The following VWA3B variants were observed in gnomAD, a reference collection of about 807,000 sequenced individuals.
VWA3B encodes the protein von Willebrand factor A domain containing 3B.
In VWA3B, 138 loss-of-function variants were observed where a neutral mutation model predicts 158.3. The ratio of observed to expected loss-of-function variants is 0.87; its 90% confidence interval spans 0.76 to 1.00. The LOEUF (loss-of-function observed/expected upper bound fraction) is 1.00. Among genes scored for constraint, VWA3B ranks in the 50% least tolerant of loss-of-function variants. VWA3B has a pLI of 0.00. For synonymous variants in VWA3B, 596 were observed against 587.3 expected (o/e 1.01, Z -0.21); for missense variants, 1,555 against 1,565.1 (o/e 0.99, Z 0.11).
At chr2:98,272,729 G>A (rs1199692285) in intron 22 of VWA3B, among the ~76,000 whole-genome samples, 1 of 151,940 alleles carries the variant, frequency 6.6e-6, no homozygotes, top group East Asian at 1.9e-4. Flanking sequence ...GAAAAGAAAT[G>A]TATATCTATA....
intron 2 of VWA3B, among the ~76,000 whole-genome samples, chr2:98,110,206 C>T (rs187247476): frequency 6.6e-6 from 1 of 151,548 alleles, no homozygotes; most frequent in African/African-American, 2.4e-5. Context: ...GTTCAGCTTT[C>T]TCAGGCTATT....
intron 7 of VWA3B, among the ~76,000 whole-genome samples, chr2:98,162,517 G>A (rs1678698718): frequency 6.6e-6 from 1 of 152,172 alleles, no homozygotes; most frequent in African/African-American, 2.4e-5. Context: ...CCTCGCAGCG[G>A]TGACCCTGGC....
At chr2:98,314,215 T>C (rs1691037872), downstream of VWA3B, among the ~76,000 whole-genome samples, 1 of 152,178 alleles carries the variant, frequency 6.6e-6, no homozygotes, top group African/African-American at 2.4e-5. Context: ...CCAAGGTAGC[T>C]GGAGTTTACC....
intron 14 of VWA3B, among the ~76,000 whole-genome samples, chr2:98,224,576 AAT>A (rs1684764405): frequency 6.6e-6 from 1 of 152,054 alleles, no homozygotes; most frequent in Non-Finnish European, 1.5e-5. Flanking sequence ...AATAAATCAA[AAT>A]AGAATTGTAA....
intron 16 of VWA3B, 64 bp from the exon 17 acceptor site, chr2:98,234,584 T>C: frequency 6.2e-7 from 1 of 1,605,142 alleles, no homozygotes; most frequent in Admixed American, 1.7e-5. Context: ...AAAATAGTTA[T>C]ATCTAATGAA....
At chr2:98,277,636 A>T (rs1421607539) in intron 22 of VWA3B, among the ~76,000 whole-genome samples, 1 of 152,218 alleles carries the variant, frequency 6.6e-6, no homozygotes, top group Non-Finnish European at 1.5e-5. Context: ...CTGGCAAGGA[A>T]GCTGGAGCCT....
At chr2:98,181,301 G>C (rs1015822187) in intron 9 of VWA3B, 89 bp downstream of exon 9, 3 of 1,401,592 alleles carry the variant, frequency 2.1e-6, no homozygotes, top group Non-Finnish European at 2.9e-6. Flanking sequence ...GGCAGGGGAA[G>C]GGGCAGCAGG....
At chr2:98,314,268 G>A (rs540861805), downstream of VWA3B, among the ~76,000 whole-genome samples, 339 of 152,332 alleles carry the variant, frequency 2.2e-3, 1 homozygote, top group African/African-American at 7.5e-3. Flanking sequence ...GAGAAAGCTC[G>A]CTGGAGACCT....
chr2:98,246,958 A>G (rs967200459), intron 19 of VWA3B, among the ~76,000 whole-genome samples: 4 of 151,514 alleles, frequency 2.6e-5, no homozygotes, highest in African/African-American at 4.9e-5. Flanking sequence ...CACTGCTTGT[A>G]TTTCTATTCC....
intron 16 of VWA3B, among the ~76,000 whole-genome samples, chr2:98,233,740 A>G (rs1033704131): frequency 6.6e-6 from 1 of 152,162 alleles, no homozygotes; most frequent in African/African-American, 2.4e-5. Context: ...CTTCACTCTA[A>G]CTATCTAATT....
chr2:98,243,481 G>A (rs1052080217), intron 19 of VWA3B, among the ~76,000 whole-genome samples: 3 of 151,796 alleles, frequency 2.0e-5, no homozygotes, highest in Admixed American at 6.6e-5. Context: ...TTACAGGCAC[G>A]CACCACCATG....
At chr2:98,289,793 A>G (rs1458620885) in intron 22 of VWA3B, among the ~76,000 whole-genome samples, 1 of 152,184 alleles carries the variant, frequency 6.6e-6, no homozygotes, top group Non-Finnish European at 1.5e-5. Context: ...TTTGCTCTCC[A>G]GCTTTGAGAC....
chr2:98,307,553 G>A (rs1438081183), intron 26 of VWA3B, among the ~76,000 whole-genome samples: 1 of 152,228 alleles, frequency 6.6e-6, no homozygotes, highest in Non-Finnish European at 1.5e-5. Context: ...AATTGTGAGA[G>A]CTAAGAACAT....
At chr2:98,155,180 T>C (rs1002992270) in intron 7 of VWA3B, among the ~76,000 whole-genome samples, 3 of 152,166 alleles carry the variant, frequency 2.0e-5, no homozygotes. Flanking sequence ...AGCCAGCAGG[T>C]GTGTCACTGC....
chr2:98,179,853 T>C (rs1053923429), intron 8 of VWA3B, among the ~76,000 whole-genome samples: 4 of 147,156 alleles, frequency 2.7e-5, no homozygotes, highest in African/African-American at 1.0e-4. Context: ...TCTCTCTTTT[T>C]CTTTCTTTCT....
At chr2:98,264,183 A>AG (rs1363200389) in intron 21 of VWA3B, among the ~76,000 whole-genome samples, 1 of 151,740 alleles carries the variant, frequency 6.6e-6, no homozygotes, top group African/African-American at 2.4e-5. Context: ...TCAAAAAAAA[A>AG]CAAATCTTGC....
chr2:98,127,194 A>G (rs1675435072), intron 5 of VWA3B, among the ~76,000 whole-genome samples: 1 of 152,212 alleles, frequency 6.6e-6, no homozygotes, highest in South Asian at 2.1e-4. Flanking sequence ...TTTATAGGCC[A>G]GGTTGAGAGG....
intron 22 of VWA3B, among the ~76,000 whole-genome samples, chr2:98,273,563 C>T (rs1427839899): frequency 6.6e-6 from 1 of 152,218 alleles, no homozygotes; most frequent in Non-Finnish European, 1.5e-5. Flanking sequence ...GAGTGAATTA[C>T]CTGCCTCTCC....
chr2:98,327,353 A>G, the VWA3B span, among the ~76,000 whole-genome samples: 1 of 152,172 alleles, frequency 6.6e-6, no homozygotes. Flanking sequence ...ATAAGGGAGA[A>G]GGTAACATTT....
Sources: gnomAD v4.1 joint callset for allele counts (sites outside exome capture counted in the v4.1 genomes callset) on GRCh38, gnomAD v4.1.1 for gene constraint, MANE v1.5 for transcripts, NCBI Gene and HGNC (gene_info 2026-07-23, HGNC 2026-07-21) for gene names.